WDFY3: variants seen among roughly 807,000 people sequenced by gnomAD.
The protein encoded by WDFY3 is WD repeat and FYVE domain-containing protein 3.
In WDFY3, 66 loss-of-function variants were observed where a neutral mutation model predicts 409.6. The ratio of observed to expected loss-of-function variants is 0.16; its 90% CI spans 0.13 to 0.20. WDFY3 has a LOEUF of 0.20. Among genes scored for constraint, WDFY3 ranks in the 10% least tolerant of loss-of-function variants. WDFY3 has a pLI of 1.00. For missense variants in WDFY3, 3,031 were observed against 4,298.1 expected (o/e 0.71, Z 8.24); for synonymous variants, 1,521 against 1,537.1 (o/e 0.99, Z 0.25).
chr4:84,852,009 C>T (rs934016454), intron 4 of WDFY3, among the ~76,000 whole-genome samples: 1 of 152,164 alleles, frequency 6.6e-6, no homozygotes, highest in African/African-American at 2.4e-5. Flanking sequence ...AAAACCTCAG[C>T]ACACAGTTTT....
At chr4:84,835,858 A>G (rs1337467308) in intron 7 of WDFY3, among the ~76,000 whole-genome samples, 1 of 152,096 alleles carries the variant, frequency 6.6e-6, no homozygotes, top group Non-Finnish European at 1.5e-5. Flanking sequence ...CCTATCTACT[A>G]TGTGCTAAGC....
chr4:84,941,541 T>C (rs1366152519), intron 1 of WDFY3, among the ~76,000 whole-genome samples: 1 of 152,024 alleles, frequency 6.6e-6, no homozygotes, highest in East Asian at 1.9e-4. Flanking sequence ...ATGACTTAAG[T>C]AAATAGAGAG....
At chr4:84,699,301 A>C (rs1429838462) in intron 56 of WDFY3, among the ~76,000 whole-genome samples, 5 of 152,164 alleles carry the variant, frequency 3.3e-5, no homozygotes, top group Non-Finnish European at 1.5e-5. Flanking sequence ...TATAAATGGA[A>C]ATGTACAATA....
chr4:84,706,114 T>A (rs1244456516), intron 53 of WDFY3, among the ~76,000 whole-genome samples: 1 of 152,194 alleles, frequency 6.6e-6, no homozygotes, highest in East Asian at 1.9e-4. Flanking sequence ...ACTTTAAAAG[T>A]TGATGAGTTG....
chr4:84,795,652 C>T (rs1560780102), intron 19 of WDFY3, among the ~76,000 whole-genome samples: 1 of 152,030 alleles, frequency 6.6e-6, no homozygotes, highest in Non-Finnish European at 1.5e-5. Flanking sequence ...ATCCCAGCTA[C>T]TTGGGAGGCT....
chr4:84,935,101 A>G (rs1331110325), intron 1 of WDFY3, among the ~76,000 whole-genome samples: 1 of 152,160 alleles, frequency 6.6e-6, no homozygotes, highest in Admixed American at 6.5e-5. Flanking sequence ...AATATATCAC[A>G]ATTTAATTAT....
chr4:84,910,716 TTGTTTTTG>T (rs1767646000), intron 2 of WDFY3, among the ~76,000 whole-genome samples: 1 of 152,094 alleles, frequency 6.6e-6, no homozygotes, highest in African/African-American at 2.4e-5. Context: ...TTTTGTTGGT[TTGTTTTTG>T]TGATGGAGTC....
At chr4:84,751,005 T>G (rs936064030) in intron 36 of WDFY3, among the ~76,000 whole-genome samples, 10 of 152,264 alleles carry the variant, frequency 6.6e-5, no homozygotes, top group African/African-American at 2.4e-4. Flanking sequence ...AAGAAGACAA[T>G]GCCACTAGGC....
intron 47 of WDFY3, among the ~76,000 whole-genome samples, chr4:84,719,212 T>C (rs761012150): frequency 2.6e-5 from 4 of 152,240 alleles, no homozygotes; most frequent in Non-Finnish European, 5.9e-5. Flanking sequence ...AATGGAACTG[T>C]AGAATTTGTT....
At chr4:84,799,066 A>G (rs374323431) in intron 17 of WDFY3, among the ~76,000 whole-genome samples, 3 of 152,126 alleles carry the variant, frequency 2.0e-5, no homozygotes, top group South Asian at 4.1e-4. Flanking sequence ...CTGGACCACC[A>G]TATTTGTTTT....
intron 50 of WDFY3, 43 bp from the exon 51 acceptor site, chr4:84,713,282 G>T: frequency 6.4e-7 from 1 of 1,555,592 alleles, no homozygotes; most frequent in South Asian, 1.1e-5. Context: ...TGAAGTCTCA[G>T]TCAGGATCTA....
At chr4:84,930,935 T>G (rs1435729363) in intron 2 of WDFY3, among the ~76,000 whole-genome samples, 1 of 152,204 alleles carries the variant, frequency 6.6e-6, no homozygotes, top group Non-Finnish European at 1.5e-5. Flanking sequence ...TTATATACAG[T>G]AAGATATTTT....
At chr4:84,706,957 G>A (rs1223498771) in intron 53 of WDFY3, among the ~76,000 whole-genome samples, 18 of 61,792 alleles carry the variant, frequency 2.9e-4, no homozygotes, top group Non-Finnish European at 5.2e-4. Flanking sequence ...TTTTTTTTTT[G>A]AGACAGCTTC....
rs765512187 is a variant in WDFY3 at position 84,783,002 on chromosome 4, A to C, written c.4135T>G (p.Ser1379Ala). 1.9e-6 allele frequency: 3 copies of C among 1,614,180 alleles called. No individual in the cohort carries two copies. Among genetic ancestry groups the C allele is most frequent in the Non-Finnish European group, 2.5e-6 (3 of 1,180,036 alleles). ...IHNSAGHLNG[S>A]ARTIGAALIG... Reference sequence around the variant, plus strand: ...AGAGCGGCCCCAATTGTCCGTGCAGATCCATTAAGATGTCCTGCTGAATTG... The same window carrying C: ...AGAGCGGCCCCAATTGTCCGTGCAGCTCCATTAAGATGTCCTGCTGAATTG... Residue 1379 changes from serine to alanine, a missense_variant, in exon 25 of 68, where the codon TCT becomes GCT. Transcript: ENST00000295888.
chr4:84,957,194 G>T (rs1002465453), intron 1 of WDFY3, among the ~76,000 whole-genome samples: 1 of 146,680 alleles, frequency 6.8e-6, no homozygotes, highest in Non-Finnish European at 1.5e-5. Context: ...TTACAGTTTA[G>T]TTGGTCAAAA....
At chr4:84,854,139 G>A (rs1009045858) in intron 4 of WDFY3, among the ~76,000 whole-genome samples, 1 of 152,184 alleles carries the variant, frequency 6.6e-6, no homozygotes, top group Non-Finnish European at 1.5e-5. Flanking sequence ...CGACACTGGT[G>A]CCAAAGGATG....
chr4:84,841,122 T>C (rs1026500563), intron 6 of WDFY3, 32 bp downstream of exon 6: 1 of 1,530,242 alleles, frequency 6.5e-7, no homozygotes, highest in Non-Finnish European at 8.9e-7. Flanking sequence ...ATAAAGACGC[T>C]GAGTTATCAA....
Position 84,679,238 on chromosome 4 carries a change from C to G in WDFY3, c.9828G>C (p.Gln3276His). 6.6e-7 allele frequency: 1 copy of G among 1,524,742 alleles called. No homozygotes were observed. Among genetic ancestry groups the G allele is most frequent in the Non-Finnish European group, 8.8e-7 (1 of 1,130,662 alleles). The allele number at this position is 1,524,742 out of a possible 1,614,324, so 94.5% of individuals were successfully genotyped here. The change falls in exon 65 of 68, where the codon CAG becomes CAC. Residue 3276 changes from glutamine to histidine, a missense_variant. By Grantham distance (24) the Gln-to-His change is conservative. Coordinates refer to ENST00000295888, the MANE Select transcript of WDFY3 (RefSeq NM_014991.6). ...CACTGCTGTCCTCGTCTTGGGCTTC[C>G]TGCCCTGGGTGAAGCATTGAGAGAA... ...QEDCPEAQIG[Q>H]EAQDEDSSDS...
chr4:84,761,433 G>A (rs989381082), intron 32 of WDFY3, among the ~76,000 whole-genome samples: 1 of 152,076 alleles, frequency 6.6e-6, no homozygotes, highest in Non-Finnish European at 1.5e-5. Flanking sequence ...ATAAATGTGT[G>A]GGAGTCTAAG....
Sources: gnomAD v4.1 joint callset for allele counts (sites outside exome capture counted in the v4.1 genomes callset) on GRCh38, gnomAD v4.1.1 for gene constraint, MANE v1.5 for transcripts, NCBI Gene and HGNC (gene_info 2026-07-23, HGNC 2026-07-21) for gene names.